GRAMD1C: variants seen among roughly 807,000 people sequenced by gnomAD.
GRAMD1C encodes protein Aster-C.
In GRAMD1C, 89 loss-of-function variants were observed where a neutral mutation model predicts 97.8. The ratio of observed to expected loss-of-function variants is 0.91; its 90% confidence interval spans 0.77 to 1.09. The LOEUF (loss-of-function observed/expected upper bound fraction) is 1.09. Ranked by LOEUF, GRAMD1C falls within the 50% of genes least tolerant of loss-of-function variation. The pLI, the probability that GRAMD1C is intolerant of heterozygous loss-of-function variation, is 0.00. For missense variants in GRAMD1C, 740 were observed against 766.4 expected, an observed-to-expected ratio of 0.97 and a Z score of 0.41; for synonymous variants, 256 against 267.0, an observed-to-expected ratio of 0.96 and a Z score of 0.40.
intron 6 of GRAMD1C, among the ~76,000 whole-genome samples, chr3:113,887,913 A>G (rs1935577656): frequency 6.6e-6 from 1 of 152,182 alleles, no homozygotes; most frequent in Admixed American, 6.5e-5. Flanking sequence ...AAGTACTTAG[A>G]AAGTCACAAA....
At chr3:113,897,380 A>T (rs1187885492) in intron 6 of GRAMD1C, 1 of 193,628 alleles carries the variant, frequency 5.2e-6, no homozygotes, top group Non-Finnish European at 9.4e-6. Context: ...TGTTTTTTCT[A>T]ATCTGTGCGT....
intron 3 of GRAMD1C, among the ~76,000 whole-genome samples, chr3:113,873,267 C>T (rs1412318389): frequency 6.6e-6 from 1 of 151,816 alleles, no homozygotes; most frequent in East Asian, 1.9e-4. Context: ...TTCAAAACAA[C>T]AACAACAACA....
At chr3:113,908,043 T>G (rs1936430892) in intron 8 of GRAMD1C, among the ~76,000 whole-genome samples, 1 of 152,198 alleles carries the variant, frequency 6.6e-6, no homozygotes. Flanking sequence ...TCGGTCCCAG[T>G]TGTTATTCTG....
chr3:113,879,763 G>A (rs928235703), intron 5 of GRAMD1C, among the ~76,000 whole-genome samples: 129 of 145,368 alleles, frequency 8.9e-4, no homozygotes, highest in African/African-American at 3.1e-3. Flanking sequence ...GCATGATCTC[G>A]GCTCACTGCA....
rs573818452 is a variant in GRAMD1C at position 113,937,301 on chromosome 3, T to C, written c.1634-785T>C. Reference sequence around the variant, plus strand: ...GAGGCTTGTAGCTTAGTGTTGACTATGTTTATCCACTATTTAAGATTAATG... The same window carrying C: ...GAGGCTTGTAGCTTAGTGTTGACTACGTTTATCCACTATTTAAGATTAATG... On this transcript the variant is annotated intron_variant, in intron 14 of 17. Transcript: ENST00000358160. Among the ~76,000 whole-genome samples the C allele has an allele frequency of 2.0e-5, 3 of 152,370 alleles. No individual in the cohort carries two copies. The East Asian group carries it at 5.8e-4, about 29-fold the overall frequency.
intron 14 of GRAMD1C, 53 bp downstream of exon 14, chr3:113,936,495 AG>A: frequency 8.7e-7 from 1 of 1,152,932 alleles, no homozygotes; most frequent in Non-Finnish European, 1.3e-6. Context: ...AGTTATATGA[AG>A]CAGAATGTGC....
chr3:113,895,669 T>C (rs1349237983), intron 6 of GRAMD1C, among the ~76,000 whole-genome samples: 1 of 152,236 alleles, frequency 6.6e-6, no homozygotes, highest in Non-Finnish European at 1.5e-5. Flanking sequence ...CATGGCAGTA[T>C]AGAAGTGTTT....
At chr3:113,847,676 G>A (rs1311736515) in intron 2 of GRAMD1C, among the ~76,000 whole-genome samples, 3 of 152,170 alleles carry the variant, frequency 2.0e-5, no homozygotes, top group Admixed American at 6.6e-5. Context: ...TCACTGAGGG[G>A]TCTAAAATTA....
Position 113,933,570 on chromosome 3 carries a change from AC to A in GRAMD1C, c.1270del (p.His424MetfsTer12). The A allele has an allele frequency of 6.2e-7, 1 of 1,602,076 alleles. No individual in the cohort carries two copies. Among genetic ancestry groups the A allele is most frequent in the Middle Eastern group, 1.7e-4 (1 of 6,046 alleles). ...FYLVDSEVLT[H>X]DVPYHDYFYT... The stretch of plus-strand genomic sequence containing the variant: ...ATTTGGTAGATTCAGAAGTACTGAC[AC>A]ATGATGTCCCCTACCATGATTACTT... On this transcript the variant is annotated frameshift_variant, in exon 12 of 18. Coordinates refer to ENST00000358160, the MANE Select transcript of GRAMD1C (RefSeq NM_017577.5). LOFTEE classifies it high-confidence loss of function.
intron 10 of GRAMD1C, among the ~76,000 whole-genome samples, chr3:113,916,220 A>G (rs1472342138): frequency 6.6e-6 from 1 of 152,204 alleles, no homozygotes; most frequent in Non-Finnish European, 1.5e-5. Flanking sequence ...AAAGGTATGA[A>G]TTCTCTGTGA....
At chr3:113,836,058 ATTTGAGACCAGCC>A (rs1709626255), upstream of GRAMD1C, among the ~76,000 whole-genome samples, 1 of 152,058 alleles carries the variant, frequency 6.6e-6, no homozygotes, top group African/African-American at 2.4e-5. Context: ...GAGGCCAGGA[ATTTGAGACCAGCC>A]TGGCCAACAT....
At chr3:113,921,023 A>G (rs1231393220) in intron 10 of GRAMD1C, among the ~76,000 whole-genome samples, 5 of 152,172 alleles carry the variant, frequency 3.3e-5, no homozygotes, top group Non-Finnish European at 7.3e-5. Flanking sequence ...GGTAATAAGC[A>G]TGGTACCCAA....
chr3:113,855,705 GA>G (rs549606356), intron 2 of GRAMD1C, among the ~76,000 whole-genome samples: 74 of 127,386 alleles, frequency 5.8e-4, no homozygotes, highest in Non-Finnish European at 5.3e-4. Context: ...CTCTGTCTCA[GA>G]AAAAAAAAAA....
At chr3:113,889,210 G>A (rs1225071430) in intron 6 of GRAMD1C, among the ~76,000 whole-genome samples, 2 of 144,052 alleles carry the variant, frequency 1.4e-5, no homozygotes, top group Non-Finnish European at 3.1e-5. Context: ...AAAAAAAAAC[G>A]TATATCCACA....
At position 113,885,648 on chromosome 3, in the gene GRAMD1C, C is replaced by T. The variant is rs1577163814; in HGVS notation, c.540+2816C>T. Reference sequence around the variant, plus strand: ...TAAGAGGCCCCATGTGGATTTCTTCCTGGAAGTGGTGAGCCAGTGGTACGA... The same window carrying T: ...TAAGAGGCCCCATGTGGATTTCTTCTTGGAAGTGGTGAGCCAGTGGTACGA... On this transcript the variant is annotated intron_variant, in intron 6 of 17. Transcript: ENST00000358160. 10 of 1,510,512 alleles carry T rather than the reference C, an allele frequency of 6.6e-6. No homozygotes were observed. In the East Asian group the frequency reaches 1.1e-4, roughly 17 times the overall value. The allele number at this position is 1,510,512 out of a possible 1,614,324, so 93.6% of individuals were successfully genotyped here. A position where few individuals can be genotyped will look rare whatever the true frequency, so the allele number is the denominator to read the frequency against.
chr3:113,873,871 A>G (rs1934929445), intron 3 of GRAMD1C, among the ~76,000 whole-genome samples: 1 of 152,186 alleles, frequency 6.6e-6, no homozygotes, highest in Non-Finnish European at 1.5e-5. Context: ...AAGTTTGAGA[A>G]GCATTGAATT....
chr3:113,910,186 A>C (rs1036400751), intron 9 of GRAMD1C, among the ~76,000 whole-genome samples: 6 of 152,212 alleles, frequency 3.9e-5, no homozygotes, highest in African/African-American at 1.2e-4. Context: ...GTTCAAGACC[A>C]GTCTGGTCAA....
At chr3:113,839,226 GT>G (rs1388586280) in intron 1 of GRAMD1C, among the ~76,000 whole-genome samples, 1 of 152,096 alleles carries the variant, frequency 6.6e-6, no homozygotes, top group African/African-American at 2.4e-5. Context: ...GCCCCCTTGG[GT>G]CAGGCCCCAT....
intron 6 of GRAMD1C, chr3:113,885,364 T>G (rs1935432708): frequency 3.1e-6 from 5 of 1,594,096 alleles, no homozygotes; most frequent in Admixed American, 1.7e-5. Flanking sequence ...GCTCTGGAGC[T>G]TCTTCATTTA....
Sources: allele counts gnomAD v4.1 joint callset (sites outside exome capture counted in the v4.1 genomes callset), GRCh38; gene constraint gnomAD v4.1.1; transcripts MANE v1.5; gene names NCBI Gene and HGNC (gene_info 2026-07-23, HGNC 2026-07-21).